The following ABHD5 variants were observed in gnomAD, a reference collection of about 807,000 sequenced individuals.
ABHD5 encodes the protein 1-acylglycerol-3-phosphate O-acyltransferase ABHD5.
ABHD5 carries 30 observed loss-of-function variants against 44.9 expected under a neutral mutation model. That is an observed-to-expected ratio of 0.67 (90% CI 0.50 to 0.91). The LOEUF (loss-of-function observed/expected upper bound fraction) is 0.91. Ranked by LOEUF, ABHD5 falls within the 40% of genes least tolerant of loss-of-function variation. ABHD5 has a pLI of 0.00. For synonymous variants in ABHD5, 167 were observed against 147.0 expected, an observed-to-expected ratio of 1.14 and a Z score of -0.99; for missense variants, 399 against 423.4, an observed-to-expected ratio of 0.94 and a Z score of 0.50.
intron 7 of ABHD5, among the ~76,000 whole-genome samples, chr3:43,733,296 T>C (rs979917855): frequency 1.3e-5 from 2 of 152,226 alleles, no homozygotes; most frequent in African/African-American, 2.4e-5. Flanking sequence ...ACCTGAGTTA[T>C]ATAAATCCTC....
chr3:43,714,891 GT>G, intron 4 of ABHD5, 55 bp from the exon 5 acceptor site: 1 of 1,245,024 alleles, frequency 8.0e-7, no homozygotes, highest in Non-Finnish European at 1.2e-6. Flanking sequence ...ATATTATTTA[GT>G]TGATAAGTTA....
chr3:43,727,487 C>G (rs1252054932), downstream of ABHD5, among the ~76,000 whole-genome samples: 1 of 152,186 alleles, frequency 6.6e-6, no homozygotes, highest in Non-Finnish European at 1.5e-5. Context: ...CTGTACTTTA[C>G]CATCAGCCTT....
intron 3 of ABHD5, among the ~76,000 whole-genome samples, chr3:43,706,728 A>C (rs117186923): frequency 6.6e-6 from 1 of 152,210 alleles, no homozygotes; most frequent in South Asian, 2.1e-4. Flanking sequence ...GATTACAGGC[A>C]TGAGACACCG....
chr3:43,700,740 A>ATTTTTTTTTTTTTTTTTTTT (rs1361660825), intron 2 of ABHD5, among the ~76,000 whole-genome samples: 20 of 151,208 alleles, frequency 1.3e-4, no homozygotes, highest in South Asian at 1.1e-3. Flanking sequence ...TACCCAGCTA[A>ATTTTTTTTTTTTTTTTTTTT]TTTTTGTATT....
intron 3 of ABHD5, among the ~76,000 whole-genome samples, chr3:43,705,463 A>G (rs1380015722): frequency 6.6e-6 from 1 of 152,236 alleles, no homozygotes; most frequent in East Asian, 1.9e-4. Flanking sequence ...TTACACACAC[A>G]CACGTATATA....
At chr3:43,709,047 G>A (rs911979818) in intron 3 of ABHD5, among the ~76,000 whole-genome samples, 5 of 152,170 alleles carry the variant, frequency 3.3e-5, no homozygotes, top group Non-Finnish European at 5.9e-5. Flanking sequence ...TCATCTGGGG[G>A]ACCAGAAAAA....
chr3:43,710,407 C>T (rs2084672977), intron 3 of ABHD5, among the ~76,000 whole-genome samples: 1 of 152,262 alleles, frequency 6.6e-6, no homozygotes, highest in Non-Finnish European at 1.5e-5. Context: ...AATTCCTTGT[C>T]GGCATCTGCT....
chr3:43,708,380 T>C (rs1455109347), intron 3 of ABHD5, among the ~76,000 whole-genome samples: 1 of 152,224 alleles, frequency 6.6e-6, no homozygotes, highest in Non-Finnish European at 1.5e-5. Flanking sequence ...AATTTAGATG[T>C]ACATTAAAAC....
intron 1 of ABHD5, among the ~76,000 whole-genome samples, chr3:43,695,959 C>G (rs1267902016): frequency 2.6e-5 from 4 of 152,192 alleles, no homozygotes; most frequent in African/African-American, 9.6e-5. Flanking sequence ...GTTTGCACTA[C>G]AATGGTTGTA....
At chr3:43,726,328 G>A (rs1384607091), downstream of ABHD5, among the ~76,000 whole-genome samples, 1 of 152,172 alleles carries the variant, frequency 6.6e-6, no homozygotes, top group Non-Finnish European at 1.5e-5. Context: ...TGTCCCAACC[G>A]ATCTTTAACA....
At chr3:43,716,982 C>T (rs2084770812) in intron 5 of ABHD5, among the ~76,000 whole-genome samples, 2 of 152,108 alleles carry the variant, frequency 1.3e-5, no homozygotes, top group South Asian at 2.1e-4. Flanking sequence ...ACCAGCCTGA[C>T]CAACATGGTG....
chr3:43,705,106 G>C (rs570278228), intron 3 of ABHD5, among the ~76,000 whole-genome samples: 118 of 152,326 alleles, frequency 7.7e-4, no homozygotes, highest in Middle Eastern at 3.4e-3. Context: ...TGGCTGCCTA[G>C]TAAATATTTC....
chr3:43,727,583 T>A (rs1272013969), downstream of ABHD5, among the ~76,000 whole-genome samples: 1 of 152,172 alleles, frequency 6.6e-6, no homozygotes, highest in East Asian at 1.9e-4. Context: ...AAAAATGGTG[T>A]TGTATTTGTA....
At chr3:43,693,850 C>G (rs577918695) in intron 1 of ABHD5, among the ~76,000 whole-genome samples, 2 of 150,728 alleles carry the variant, frequency 1.3e-5, no homozygotes, top group African/African-American at 4.9e-5. Flanking sequence ...CGTGAACTGT[C>G]TTGTCTGTGG....
At position 43,702,220 on chromosome 3, in the gene ABHD5, C is replaced by G; in HGVS notation, c.139C>G (p.Pro47Ala). ...CTCTTTTATGTTTTCATTAGGTGTGCCTTGCACATACAAAAAAGAACCTGT... is the reference window on the plus strand; with the variant it reads ...CTCTTTTATGTTTTCATTAGGTGTGGCTTGCACATACAAAAAAGAACCTGT... ...EAEEKMLKCV[P>A]CTYKKEPVRI... The change falls in exon 3 of 7, where the codon CCT becomes GCT. Residue 47 changes from proline to alanine, a missense_variant. Coordinates refer to ENST00000644371, the MANE Select transcript of ABHD5 (RefSeq NM_016006.6). 6.3e-7 allele frequency: 1 copy of G among 1,588,658 alleles called. No individual in the cohort carries two copies. The highest frequency in any genetic ancestry group is 1.1e-5 in the South Asian group (1 of 88,162).
In ABHD5 at chr3:43,702,426, T is replaced by C. The variant is rs777749420; in HGVS notation, c.345T>C (p.Ser115=). 6.2e-7 allele frequency: 1 copy of C among 1,614,208 alleles called. No individual in the cohort carries two copies. Among genetic ancestry groups the C allele is most frequent in the Non-Finnish European group, 8.5e-7 (1 of 1,180,050 alleles). The change falls in exon 3 of 7, where the codon AGT becomes AGC. Residue 115 remains serine (S), a synonymous_variant. Transcript: ENST00000644371. Reference sequence around the variant, plus strand: ...TTGACCTATTGGGTTTTGGACGAAGTAGTAGACCCAGGTTTGACAGTGATG... The same window carrying C: ...TTGACCTATTGGGTTTTGGACGAAGCAGTAGACCCAGGTTTGACAGTGATG... ...YAFDLLGFGR[S]SRPRFDSDAE...
chr3:43,732,267 C>T (rs576861822), intron 7 of ABHD5, among the ~76,000 whole-genome samples: 1 of 151,998 alleles, frequency 6.6e-6, no homozygotes, highest in Admixed American at 6.6e-5. Flanking sequence ...CTTGTCTCTA[C>T]TAAAAATACA....
intron 3 of ABHD5, among the ~76,000 whole-genome samples, chr3:43,705,505 G>A (rs3774793): frequency 0.086 from 13,067 of 152,206 alleles, 776 homozygotes; most frequent in South Asian, 0.21. Context: ...ACAGAATTAA[G>A]CAAATTGACC....
intron 4 of ABHD5, among the ~76,000 whole-genome samples, chr3:43,714,113 T>TTTTC (rs747209100): frequency 6.6e-6 from 1 of 151,676 alleles, no homozygotes; most frequent in Non-Finnish European, 1.5e-5. Context: ...TTTTCTTTTC[T>TTTTC]TTTCTTTCTT....
Sources: gnomAD v4.1 joint callset for allele counts (sites outside exome capture counted in the v4.1 genomes callset) on GRCh38, gnomAD v4.1.1 for gene constraint, MANE v1.5 for transcripts, NCBI Gene and HGNC (gene_info 2026-07-23, HGNC 2026-07-21) for gene names.